Variants in CSNK1G3 observed in about 807,000 individuals in gnomAD.
CSNK1G3 encodes casein kinase I isoform gamma-3.
CSNK1G3 carries 23 observed loss-of-function variants against 64.3 expected under a neutral mutation model. The observed-to-expected ratio is 0.36, with a 90% CI of 0.26 to 0.51. The LOEUF (loss-of-function observed/expected upper bound fraction) is 0.51, where lower values mean the gene tolerates loss of function less well. CSNK1G3 is among the 20% of genes least tolerant of loss of function. CSNK1G3 has a pLI of 0.96. For missense variants in CSNK1G3, 357 were observed against 510.5 expected (o/e 0.70, Z 2.90); for synonymous variants, 158 against 162.2 (o/e 0.97, Z 0.20).
chr5:123,590,822 CTT>C (rs960713651), intron 9 of CSNK1G3, among the ~76,000 whole-genome samples: 2 of 151,948 alleles, frequency 1.3e-5, no homozygotes, highest in Non-Finnish European at 2.9e-5. Context: ...CAAATATACT[CTT>C]TTTTGTGTAA....
intron 6 of CSNK1G3, among the ~76,000 whole-genome samples, chr5:123,585,087 T>G (rs767400714): frequency 3.3e-5 from 5 of 152,178 alleles, no homozygotes; most frequent in Non-Finnish European, 5.9e-5. Context: ...GTCCTTCTGT[T>G]TATTTTGGGT....
At chr5:123,532,271 A>T (rs1381470159) in intron 1 of CSNK1G3, among the ~76,000 whole-genome samples, 4 of 151,870 alleles carry the variant, frequency 2.6e-5, no homozygotes, top group Non-Finnish European at 5.9e-5. Context: ...AGTATTACAT[A>T]GTTTTATTTC....
At chr5:123,569,198 G>T (rs1787575360) in intron 4 of CSNK1G3, among the ~76,000 whole-genome samples, 1 of 152,156 alleles carries the variant, frequency 6.6e-6, no homozygotes, top group South Asian at 2.1e-4. Context: ...AAAGCAAAAG[G>T]ATAGAGTAAT....
chr5:123,552,773 T>C (rs1482048386), intron 2 of CSNK1G3, among the ~76,000 whole-genome samples: 2 of 152,208 alleles, frequency 1.3e-5, no homozygotes, highest in African/African-American at 4.8e-5. Flanking sequence ...ATAGGAGTTC[T>C]CGTTTTGAAA....
At chr5:123,570,748 G>A (rs1290895989) in intron 4 of CSNK1G3, among the ~76,000 whole-genome samples, 1 of 152,112 alleles carries the variant, frequency 6.6e-6, no homozygotes, top group African/African-American at 2.4e-5. Flanking sequence ...CATGCACCCT[G>A]CATATCAGAA....
At chr5:123,520,975 T>C (rs1777995393) in intron 1 of CSNK1G3, among the ~76,000 whole-genome samples, 1 of 152,054 alleles carries the variant, frequency 6.6e-6, no homozygotes, top group African/African-American at 2.4e-5. Flanking sequence ...GGCAGGCAAA[T>C]ATATTAGGTA....
chr5:123,566,610 A>G (rs1050871526), intron 4 of CSNK1G3, among the ~76,000 whole-genome samples: 1 of 152,132 alleles, frequency 6.6e-6, no homozygotes, highest in African/African-American at 2.4e-5. Flanking sequence ...TGCTTAGGAT[A>G]TACCCTGCCT....
At chr5:123,537,933 T>C (rs971705898) in intron 1 of CSNK1G3, among the ~76,000 whole-genome samples, 9 of 152,204 alleles carry the variant, frequency 5.9e-5, no homozygotes, top group Admixed American at 6.5e-5. Context: ...AATCATGTAA[T>C]AGGTAATTGT....
chr5:123,595,047 C>A, intron 10 of CSNK1G3: 1 of 1,613,574 alleles, frequency 6.2e-7, no homozygotes, highest in Non-Finnish European at 8.5e-7. Flanking sequence ...AGTCGGCAGA[C>A]CACAGGGCAG....
At chr5:123,607,357 C>A (rs1795531221) in intron 12 of CSNK1G3, among the ~76,000 whole-genome samples, 1 of 152,130 alleles carries the variant, frequency 6.6e-6, no homozygotes, top group Non-Finnish European at 1.5e-5. Flanking sequence ...ATTTTTTCAT[C>A]CTCAGATTCC....
At position 123,537,120 on chromosome 5, in the gene CSNK1G3, A is replaced by G. The variant is rs376640196; in HGVS notation, c.-247-8297A>G. Among the ~76,000 whole-genome samples the G allele has an allele frequency of 6.6e-5, 10 of 152,312 alleles. No individual in the cohort carries two copies. The East Asian group carries it at 9.6e-4, about 15-fold the overall frequency. On this transcript the variant is annotated intron_variant, in intron 1 of 12. Coordinates refer to ENST00000345990, the Ensembl canonical transcript of CSNK1G3. The stretch of plus-strand genomic sequence containing the variant: ...CAAAGGAAGAGAAATCCACATGTCA[A>G]AAAGATGCTTGCACTCCTACATTTA...
intron 1 of CSNK1G3, among the ~76,000 whole-genome samples, chr5:123,539,384 T>TGC (rs375246654): frequency 7.0e-4 from 104 of 149,520 alleles, no homozygotes; most frequent in African/African-American, 2.5e-3. Context: ...AAGTCAAGGC[T>TGC]GCAGTGAGCT....
At chr5:123,604,320 TAGAAG>T (rs1794980889) in intron 10 of CSNK1G3, among the ~76,000 whole-genome samples, 1 of 152,048 alleles carries the variant, frequency 6.6e-6, no homozygotes, top group Non-Finnish European at 1.5e-5. Flanking sequence ...AAGGATCCAT[TAGAAG>T]GAGTAATATT....
chr5:123,586,332 G>A (rs1041771318), intron 6 of CSNK1G3, among the ~76,000 whole-genome samples: 5 of 152,160 alleles, frequency 3.3e-5, no homozygotes, highest in Admixed American at 2.6e-4. Flanking sequence ...TGTGGTGGTA[G>A]TTATGCAGGT....
At chr5:123,588,604 TAAA>T in intron 8 of CSNK1G3, 93 bp downstream of exon 8, 1 of 726,158 alleles carries the variant, frequency 1.4e-6, no homozygotes. Flanking sequence ...TTTCTATGCT[TAAA>T]AAAAAAAGAG....
intron 1 of CSNK1G3, among the ~76,000 whole-genome samples, chr5:123,520,486 T>C (rs1296145307): frequency 6.6e-6 from 1 of 151,906 alleles, no homozygotes; most frequent in East Asian, 1.9e-4. Flanking sequence ...ATTTTTTTTT[T>C]TTTTTTGAGG....
At chr5:123,531,009 G>A (rs1235048036) in intron 1 of CSNK1G3, among the ~76,000 whole-genome samples, 1 of 152,100 alleles carries the variant, frequency 6.6e-6, no homozygotes, top group Non-Finnish European at 1.5e-5. Context: ...AAATTTTGGA[G>A]AAGGCTGAAG....
intron 1 of CSNK1G3, 98 bp downstream of exon 1, chr5:123,512,668 C>T (rs1218866994): frequency 6.7e-6 from 1 of 149,540 alleles, no homozygotes; most frequent in African/African-American, 2.4e-5. Flanking sequence ...GGGCTGGGGT[C>T]CCGGGCGGGT....
intron 4 of CSNK1G3, among the ~76,000 whole-genome samples, chr5:123,571,239 C>A (rs967550038): frequency 1.3e-5 from 2 of 152,026 alleles, no homozygotes; most frequent in Admixed American, 6.6e-5. Flanking sequence ...GAATTTGTAT[C>A]CATTCCTGCT....
Sources: allele counts gnomAD v4.1 joint callset (sites outside exome capture counted in the v4.1 genomes callset), GRCh38; gene constraint gnomAD v4.1.1; transcripts MANE v1.5; gene names NCBI Gene and HGNC (gene_info 2026-07-23, HGNC 2026-07-21).